NRG3: variants seen among roughly 807,000 people sequenced by gnomAD.
NRG3 encodes the protein pro-neuregulin-3, membrane-bound isoform.
In NRG3, 31 loss-of-function variants were observed where a neutral mutation model predicts 66.9. That is an observed-to-expected ratio of 0.46 (90% CI 0.35 to 0.63). The LOEUF (loss-of-function observed/expected upper bound fraction) is 0.63. Ranked by LOEUF, NRG3 falls within the 20% of genes least tolerant of loss-of-function variation. The probability of loss-of-function intolerance (pLI) is 0.00; values close to 1 mark genes in which losing one functional copy is unlikely to be tolerated. For missense variants in NRG3, 910 were observed against 878.9 expected (o/e 1.04, Z -0.45); for synonymous variants, 393 against 359.4 (o/e 1.09, Z -1.06).
intron 1 of NRG3, among the ~76,000 whole-genome samples, chr10:81,998,284 C>T (rs986949008): frequency 6.6e-6 from 1 of 152,226 alleles, no homozygotes; most frequent in South Asian, 2.1e-4. Flanking sequence ...CATTTATCTA[C>T]ATTTAATCAG....
intron 1 of NRG3, among the ~76,000 whole-genome samples, chr10:82,146,367 T>C (rs759076983): frequency 2.0e-5 from 3 of 152,246 alleles, no homozygotes; most frequent in East Asian, 1.9e-4. Flanking sequence ...GTGATCTCTG[T>C]GTTATTCGCC....
At chr10:82,097,449 T>A (rs1280875641) in intron 1 of NRG3, among the ~76,000 whole-genome samples, 1 of 147,350 alleles carries the variant, frequency 6.8e-6, no homozygotes, top group Non-Finnish European at 1.5e-5. Context: ...ATATCTGTAA[T>A]ATATATATCT....
chr10:82,952,380 C>A (rs904901292), intron 5 of NRG3, among the ~76,000 whole-genome samples: 1 of 151,244 alleles, frequency 6.6e-6, no homozygotes, highest in East Asian at 1.9e-4. Flanking sequence ...TTGCAGTGAG[C>A]CCAGATCACA....
At chr10:82,587,828 G>A (rs566375393) in intron 2 of NRG3, among the ~76,000 whole-genome samples, 1 of 152,222 alleles carries the variant, frequency 6.6e-6, no homozygotes, top group Non-Finnish European at 1.5e-5. Context: ...AAAACAGTAT[G>A]TAGGCACAGA....
chr10:82,365,051 C>T (rs536342434), intron 2 of NRG3, among the ~76,000 whole-genome samples: 2 of 152,110 alleles, frequency 1.3e-5, no homozygotes, highest in African/African-American at 2.4e-5. Flanking sequence ...TTGGTCATTG[C>T]GTAACGACAA....
chr10:82,211,117 T>A (rs1417378663), intron 1 of NRG3, among the ~76,000 whole-genome samples: 2 of 152,152 alleles, frequency 1.3e-5, no homozygotes, highest in African/African-American at 4.8e-5. Flanking sequence ...CTTTTCATTC[T>A]CTTTGGAAGA....
In NRG3 at chr10:82,071,661, G is replaced by A. The variant is rs117750303; in HGVS notation, c.823+195498G>A. Among the ~76,000 whole-genome samples, 9 of 152,300 alleles carry A rather than the reference G, an allele frequency of 5.9e-5. No homozygotes were observed. In the East Asian group the frequency reaches 1.7e-3, roughly 29 times the overall value. Reference sequence around the variant, plus strand: ...GATGCGGGCTTTTTACTCAGAAAGGGATGGGAAGCTGTTGGAGGGCTTGGT... The same window carrying A: ...GATGCGGGCTTTTTACTCAGAAAGGAATGGGAAGCTGTTGGAGGGCTTGGT... On this transcript the variant is annotated intron_variant, in intron 1 of 8. Transcript: ENST00000372141.
intron 1 of NRG3, chr10:82,225,413 A>G (rs1032226221): frequency 1.3e-5 from 2 of 152,182 alleles, no homozygotes; most frequent in Non-Finnish European, 2.9e-5. Flanking sequence ...ATTGGTAGAT[A>G]TTATTGTCTT....
chr10:82,162,235 G>A (rs1266409963), intron 1 of NRG3, among the ~76,000 whole-genome samples: 1 of 152,122 alleles, frequency 6.6e-6, no homozygotes, highest in Non-Finnish European at 1.5e-5. Context: ...GCTCAAACTT[G>A]ATAGCTAAAG....
At chr10:82,593,829 T>C (rs1027440965) in intron 2 of NRG3, among the ~76,000 whole-genome samples, 9 of 151,892 alleles carry the variant, frequency 5.9e-5, no homozygotes, top group Admixed American at 1.3e-4. Flanking sequence ...ACATATATAT[T>C]TCTTTAATAT....
chr10:82,679,053 T>C (rs2053923903), intron 2 of NRG3, among the ~76,000 whole-genome samples: 1 of 152,222 alleles, frequency 6.6e-6, no homozygotes, highest in African/African-American at 2.4e-5. Context: ...CTGGGCTGTA[T>C]TAAATGTCTT....
rs138744527 is a variant in NRG3 at position 82,617,844 on chromosome 10, C to T, written c.954-120733C>T. ...ACAGCTACGGAGCAGCTGTCTACTC[C>T]GGCAAATGCGTCTAATGTGCTGTGA... On this transcript the variant is annotated intron_variant, in intron 2 of 8. Transcript: ENST00000372141. 7.1e-4 allele frequency among the ~76,000 whole-genome samples: 108 copies of T among 152,272 alleles called. 3 individuals carry two copies. In the East Asian group the frequency reaches 0.019, roughly 26 times the overall value.
chr10:82,387,926 G>A (rs887987685), intron 2 of NRG3, among the ~76,000 whole-genome samples: 8 of 152,076 alleles, frequency 5.3e-5, no homozygotes, highest in Admixed American at 1.3e-4. Context: ...TGTCAGAATG[G>A]CAAAGAACAA....
At chr10:82,925,569 G>A (rs578132954) in intron 4 of NRG3, among the ~76,000 whole-genome samples, 1 of 152,350 alleles carries the variant, frequency 6.6e-6, no homozygotes, top group South Asian at 2.1e-4. Context: ...ATAGGGACAA[G>A]CATGCTTTAA....
chr10:82,918,364 C>A (rs1217345079), intron 4 of NRG3, among the ~76,000 whole-genome samples: 1 of 152,246 alleles, frequency 6.6e-6, no homozygotes, highest in Non-Finnish European at 1.5e-5. Flanking sequence ...CAGGTATTTT[C>A]ATCTTTCTCA....
chr10:82,264,461 A>G (rs2078196821), intron 1 of NRG3, among the ~76,000 whole-genome samples: 1 of 151,294 alleles, frequency 6.6e-6, no homozygotes, highest in Admixed American at 6.6e-5. Context: ...CCCTTGACAC[A>G]TGGGGATTAT....
rs143965405 is a variant in NRG3 at position 82,600,857 on chromosome 10, A to C, written c.954-137720A>C. Among the ~76,000 whole-genome samples the C allele has an allele frequency of 7.0e-4, 107 of 152,104 alleles. 1 individual carries two copies. Among genetic ancestry groups the C allele is most frequent in the African/African-American group, 2.5e-3 (103 of 41,486 alleles). On this transcript the variant is annotated intron_variant, in intron 2 of 8. Coordinates refer to ENST00000372141, the MANE Select transcript of NRG3 (RefSeq NM_001010848.4). ...TATCACAAGAGTATAATTGTGTGAC[A>C]CTGAGGTTTGAGCTTCTACTGATCC...
chr10:82,952,843 A>T (rs1447208574), intron 5 of NRG3, among the ~76,000 whole-genome samples: 2 of 151,952 alleles, frequency 1.3e-5, no homozygotes, highest in African/African-American at 4.9e-5. Context: ...CTTGAGCATC[A>T]ATTCAGAATT....
chr10:82,758,379 A>G (rs555867037), intron 3 of NRG3, among the ~76,000 whole-genome samples: 18 of 152,240 alleles, frequency 1.2e-4, no homozygotes, highest in Non-Finnish European at 2.4e-4. Context: ...GCATCTATAG[A>G]TGTATTTTTA....
Sources: allele counts gnomAD v4.1 joint callset (sites outside exome capture counted in the v4.1 genomes callset), GRCh38; gene constraint gnomAD v4.1.1; transcripts MANE v1.5; gene names NCBI Gene and HGNC (gene_info 2026-07-23, HGNC 2026-07-21).